The following CELSR1 variants were observed in gnomAD, a reference collection of about 807,000 sequenced individuals.
CELSR1 encodes the protein adhesion G protein-coupled receptor C1.
Under a neutral mutation model 249.1 loss-of-function variants are expected in CELSR1, and 110 were observed. The observed-to-expected ratio is 0.44, with a 90% CI of 0.38 to 0.52. The LOEUF (loss-of-function observed/expected upper bound fraction) is 0.52, where lower values mean the gene tolerates loss of function less well. Ranked by LOEUF, CELSR1 falls within the 20% of genes least tolerant of loss-of-function variation. The pLI, the probability that CELSR1 is intolerant of heterozygous loss-of-function variation, is 0.00. For missense variants in CELSR1, 4,109 were observed against 4,296.4 expected (o/e 0.96, Z 1.22); for synonymous variants, 2,113 against 1,900.0 (o/e 1.11, Z -2.92).
At position 46,536,834 on chromosome 22, in the gene CELSR1, C is replaced by T. The variant is rs763766273; in HGVS notation, c.337G>A (p.Gly113Ser). The T allele has an allele frequency of 1.1e-5, 13 of 1,217,324 alleles. No homozygotes were observed. In the Middle Eastern group the frequency reaches 2.7e-3, roughly 251 times the overall value. The allele number at this position is 1,217,324 out of a possible 1,614,324, so 75.4% of individuals were successfully genotyped here. Residue 113 changes from glycine to serine, a missense_variant, in exon 1 of 35, where the codon GGC becomes AGC. This residue lies in a region of CELSR1 where 673 missense variants were observed against 636.8 expected (regional missense o/e 1.06). Transcript: ENST00000674500. ...CAGAGCCGGGCACGGGCTCCGCAGC[C>T]GGGAAGGTGCGTGCGCGCCCGCAGG... Reference protein sequence around the residue: ...RRLRARTHLPGCGARARLCGT... With the variant: ...RRLRARTHLPSCGARARLCGT...
At position 46,399,590 on chromosome 22, in the gene CELSR1, G is replaced by C. The variant is rs769481101; in HGVS notation, c.5412+127C>G. 3 of 880,470 alleles carry C rather than the reference G, an allele frequency of 3.4e-6. No individual in the cohort carries two copies. Among genetic ancestry groups the C allele is most frequent in the East Asian group, 5.1e-5 (2 of 39,008 alleles). 54.5% of individuals were successfully genotyped at this position (880,470 alleles called of 1,614,324 possible). On this transcript the variant is annotated intron_variant, in intron 10 of 34. Coordinates refer to ENST00000674500, the MANE Select transcript of CELSR1 (RefSeq NM_001378328.1). This position sits in a 1 kb window ranked among gnomAD's most constrained non-coding sequence, Gnocchi z 5.0. ...GGCAGAACAGAAGCCCACCTGCGGG[G>C]ACCCAGAAAGTGCCTCCCCAAATCC... is the stretch of plus-strand genomic sequence containing the variant.
chr22:46,386,599 C>A lies in CELSR1; in HGVS notation c.6556-14G>T, dbSNP rs774900636. Reference sequence around the variant, plus strand: ...GTGGATGACGTCCTGGTCAGACAGACAGCACTCAGTACTCAGCCTGCGGAG... The same window carrying A: ...GTGGATGACGTCCTGGTCAGACAGAAAGCACTCAGTACTCAGCCTGCGGAG... On this transcript the variant is annotated splice_polypyrimidine_tract_variant and intron_variant, in intron 18 of 34. Coordinates refer to ENST00000674500, the MANE Select transcript of CELSR1 (RefSeq NM_001378328.1). The A allele has an allele frequency of 1.0e-5, 16 of 1,577,694 alleles. No homozygotes were observed. The highest frequency in any genetic ancestry group is 1.4e-5 in the Non-Finnish European group (16 of 1,169,230).
intron 20 of CELSR1, among the ~76,000 whole-genome samples, chr22:46,382,539 G>A (rs2078990110): frequency 1.3e-5 from 2 of 152,104 alleles, no homozygotes; most frequent in South Asian, 4.1e-4. Flanking sequence ...GCCTCCCAAA[G>A]TGCTGGGATT....
In CELSR1 at chr22:46,456,587, T is replaced by C. The variant is rs553689754; in HGVS notation, c.4183+7120A>G. 2.7e-3 allele frequency among the ~76,000 whole-genome samples: 376 copies of C among 138,644 alleles called. 2 individuals carry two copies. The highest frequency in any genetic ancestry group is 0.012 in the Middle Eastern group (3 of 248). The allele number at this position is 138,644 out of a possible 152,430, so 91.0% of individuals were successfully genotyped here. A position where few individuals can be genotyped will look rare whatever the true frequency, so the allele number is the denominator to read the frequency against. On this transcript the variant is annotated intron_variant, in intron 2 of 34. Transcript: ENST00000674500. ...CTGAGGCAGGAGAATGGCGTGAACC[T>C]GGGAGGCAGAGCTTGCAGTGAGCCG... is the stretch of plus-strand genomic sequence containing the variant.
At chr22:46,449,214 C>T (rs2079853666) in intron 2 of CELSR1, among the ~76,000 whole-genome samples, 1 of 151,936 alleles carries the variant, frequency 6.6e-6, no homozygotes, top group African/African-American at 2.4e-5. Flanking sequence ...TCCATCCGAC[C>T]ACCCATCACA....
intron 18 of CELSR1, among the ~76,000 whole-genome samples, chr22:46,388,748 C>T (rs992348715): frequency 1.3e-5 from 2 of 151,508 alleles, no homozygotes; most frequent in African/African-American, 2.5e-5. Context: ...CACCCTAAAA[C>T]GATACTGCTC....
intron 1 of CELSR1, among the ~76,000 whole-genome samples, chr22:46,498,761 C>T (rs2080439581): frequency 6.6e-6 from 1 of 152,078 alleles, no homozygotes; most frequent in Non-Finnish European, 1.5e-5. Context: ...GTGGGAGAGA[C>T]TCTTCAAATA....
intron 25 of CELSR1, among the ~76,000 whole-genome samples, chr22:46,371,520 A>G (rs937600487): frequency 2.0e-5 from 3 of 152,090 alleles, no homozygotes; most frequent in African/African-American, 7.3e-5. Context: ...TGTTCTACTC[A>G]CTGATTCACT....
intron 2 of CELSR1, among the ~76,000 whole-genome samples, chr22:46,460,285 G>A (rs1403369425): frequency 1.3e-5 from 2 of 152,074 alleles, no homozygotes; most frequent in African/African-American, 2.4e-5. Flanking sequence ...ACCCAGCATG[G>A]GGGTGGACCA....
At chr22:46,371,521 C>A (rs572688143) in intron 25 of CELSR1, among the ~76,000 whole-genome samples, 31 of 152,244 alleles carry the variant, frequency 2.0e-4, no homozygotes, top group Middle Eastern at 3.4e-3. Flanking sequence ...GTTCTACTCA[C>A]TGATTCACTA....
chr22:46,434,959 T>G lies in CELSR1; in HGVS notation c.4522+1215A>C, dbSNP rs191479327. ...TCGCAGTGAGCCAATATTGCACCAC[T>G]GCACTCCAGCCTGGGTGAAAGAGTA... On this transcript the variant is annotated intron_variant, in intron 4 of 34. Coordinates refer to ENST00000674500, the MANE Select transcript of CELSR1 (RefSeq NM_001378328.1). This position sits in a 1 kb window ranked among gnomAD's most constrained non-coding sequence, Gnocchi z 4.9. Among the ~76,000 whole-genome samples the G allele has an allele frequency of 0.038, 5,774 of 151,616 alleles. 102 individuals are homozygous for G. Among genetic ancestry groups the G allele is most frequent in the Middle Eastern group, 0.078 (23 of 294 alleles).
At position 46,366,267 on chromosome 22, in the gene CELSR1, T is replaced by G. The variant is rs1400704969; in HGVS notation, c.8300+119A>C. 709 of 291,496 alleles carry G rather than the reference T, an allele frequency of 2.4e-3. 5 individuals are homozygous for G. Among genetic ancestry groups the G allele is most frequent in the Admixed American group, 4.3e-3 (43 of 10,036 alleles). 18.1% of individuals were successfully genotyped at this position (291,496 alleles called of 1,614,324 possible). A position where few individuals can be genotyped will look rare whatever the true frequency, so the allele number is the denominator to read the frequency against. On this transcript the variant is annotated intron_variant, in intron 30 of 34. Transcript: ENST00000674500. ...GTTGCGGGTGGGAAGAAGGTGCGGGTGGAAAGTTGGGGGTGGAAGGTGATG... is the reference window on the plus strand; with the variant it reads ...GTTGCGGGTGGGAAGAAGGTGCGGGGGGAAAGTTGGGGGTGGAAGGTGATG...
Position 46,433,450 on chromosome 22 carries a change from A to T in CELSR1, c.4554T>A (p.Val1518=). 8 of 1,614,000 alleles carry T rather than the reference A, an allele frequency of 5.0e-6. No individual in the cohort carries two copies. Among genetic ancestry groups the T allele is most frequent in the Non-Finnish European group, 6.8e-6 (8 of 1,179,962 alleles). ...ACCGCCCGTCACTCACACCACTGGG[A>T]ACCTTCGGTGCCACGGTCGTTGTTG... ...GETTTTVAPK[V]PSGVSDGRWH... The change falls in exon 5 of 35, where the codon GTT becomes GTA. Residue 1518 remains valine, a synonymous_variant. Coordinates refer to ENST00000674500, the MANE Select transcript of CELSR1 (RefSeq NM_001378328.1). This position sits in a 1 kb window ranked among gnomAD's most constrained non-coding sequence, Gnocchi z 5.7.
Position 46,409,174 on chromosome 22 carries a change from G to A in CELSR1, c.5060-12C>T. On this transcript the variant is annotated splice_polypyrimidine_tract_variant and intron_variant, in intron 8 of 34. Coordinates refer to ENST00000674500, the MANE Select transcript of CELSR1 (RefSeq NM_001378328.1). The surrounding 1 kb of genome is among the most constrained non-coding windows in gnomAD (Gnocchi z 9.8). ...GGGGTGAGGCATGGCTGCGGACACA[G>A]GCCCAGGGACCTCAGGTGTCTCCCG... 6.2e-7 allele frequency: 1 copy of A among 1,611,336 alleles called. No individual in the cohort carries two copies. The highest frequency in any genetic ancestry group is 8.5e-7 in the Non-Finnish European group (1 of 1,179,168).
Position 46,535,416 on chromosome 22 carries a change from C to A in CELSR1, c.1755G>T (p.Val585=). 1 of 1,608,430 alleles carries A rather than the reference C, an allele frequency of 6.2e-7. No homozygotes were observed. The change falls in exon 1 of 35, where the codon GTG becomes GTT. Residue 585 remains valine, a synonymous_variant. Coordinates refer to ENST00000674500, the MANE Select transcript of CELSR1 (RefSeq NM_001378328.1). Reference sequence around the variant, plus strand: ...AGTCCGCGTCCACCGCCTGAATGTGCACCACGGGGTAGCCCAGGGGCACAT... The same window carrying A: ...AGTCCGCGTCCACCGCCTGAATGTGAACCACGGGGTAGCCCAGGGGCACAT... ...LENVPLGYPV[V]HIQAVDADSG...
intron 18 of CELSR1, among the ~76,000 whole-genome samples, chr22:46,386,845 C>A (rs2079039566): frequency 6.6e-6 from 1 of 152,156 alleles, no homozygotes; most frequent in Non-Finnish European, 1.5e-5. Context: ...CCTCCGCCTC[C>A]TGGGTTCAAG....
In CELSR1 at chr22:46,437,975, G is replaced by T. The variant is rs2079684792; in HGVS notation, c.4406+1214C>A. ...CCTGGGTCATACCTGATTGCCTTTGGTGGGTTTCACTTCTGTGCGGTTCCC... is the reference window on the plus strand; with the variant it reads ...CCTGGGTCATACCTGATTGCCTTTGTTGGGTTTCACTTCTGTGCGGTTCCC... On this transcript the variant is annotated intron_variant, in intron 3 of 34. Transcript: ENST00000674500. The surrounding 1 kb of genome is among the most constrained non-coding windows in gnomAD (Gnocchi z 4.9). Among the ~76,000 whole-genome samples the T allele has an allele frequency of 6.6e-6, 1 of 152,160 alleles. No homozygotes were observed. The highest frequency in any genetic ancestry group is 2.1e-4 in the South Asian group (1 of 4,830).
At chr22:46,373,334 T>C (rs1371619447) in intron 24 of CELSR1, among the ~76,000 whole-genome samples, 2 of 151,982 alleles carry the variant, frequency 1.3e-5, no homozygotes, top group East Asian at 3.9e-4. Context: ...TCTGAGGCCA[T>C]GAACACAAAC....
Position 46,366,884 on chromosome 22 carries a change from C to A in CELSR1, c.8205+109G>T. On this transcript the variant is annotated intron_variant, in intron 29 of 34. Coordinates refer to ENST00000674500, the MANE Select transcript of CELSR1 (RefSeq NM_001378328.1). ...CCGCGGGCGGCTCTGCCATCCCCAC[C>A]GTGAGGGGCATACGGGCCGCAGGAC... is the stretch of plus-strand genomic sequence containing the variant. The A allele has an allele frequency of 2.1e-6, 3 of 1,423,678 alleles. No individual in the cohort carries two copies. The South Asian group carries it at 4.3e-5, about 20-fold the overall frequency. 88.2% of individuals were successfully genotyped at this position (1,423,678 alleles called of 1,614,324 possible).
Sources: gnomAD v4.1 joint callset for allele counts (sites outside exome capture counted in the v4.1 genomes callset) on GRCh38, gnomAD v4.1.1 for gene constraint, gnomAD v4.1.1 regional missense constraint, Gnocchi (gnomAD v3.1) non-coding constraint, MANE v1.5 for transcripts, NCBI Gene and HGNC (gene_info 2026-07-23, HGNC 2026-07-21) for gene names.